NUP88: variants seen among roughly 807,000 people sequenced by gnomAD.
NUP88 encodes nuclear pore complex protein Nup88.
NUP88 carries 57 observed loss-of-function variants against 93.9 expected under a neutral mutation model. The observed-to-expected ratio is 0.61, with a 90% confidence interval of 0.49 to 0.76. NUP88 has a LOEUF of 0.76. Ranked by LOEUF, NUP88 falls within the 30% of genes least tolerant of loss-of-function variation. The pLI is 0.00. For missense variants in NUP88, 911 were observed against 901.0 expected (o/e 1.01, Z -0.14); for synonymous variants, 346 against 336.8 (o/e 1.03, Z -0.30).
intron 3 of NUP88, among the ~76,000 whole-genome samples, chr17:5,411,584 A>T (rs1913846086): frequency 6.6e-6 from 1 of 151,534 alleles, no homozygotes; most frequent in African/African-American, 2.4e-5. Context: ...CCATTTCAAA[A>T]AAAAAAAAAA....
intron 11 of NUP88, 125 bp from the exon 12 acceptor site, chr17:5,388,029 C>G (rs1912151296): frequency 3.0e-6 from 3 of 986,392 alleles, no homozygotes; most frequent in Non-Finnish European, 4.3e-6. Flanking sequence ...GAGATGCAGT[C>G]TCGCTCTGTC....
intron 9 of NUP88, among the ~76,000 whole-genome samples, chr17:5,392,541 T>C (rs938499607): frequency 6.6e-6 from 1 of 151,186 alleles, no homozygotes; most frequent in Middle Eastern, 3.4e-3. Context: ...ATTATCAGTG[T>C]GAAATCTACA....
At position 5,402,269 on chromosome 17, in the gene NUP88, T is replaced by C. The variant is rs374902902; in HGVS notation, c.1192+1830A>G. 3.6e-4 allele frequency among the ~76,000 whole-genome samples: 55 copies of C among 151,730 alleles called. 1 individual carries two copies. The South Asian group carries it at 0.011, about 30-fold the overall frequency. On this transcript the variant is annotated intron_variant, in intron 7 of 16. Coordinates refer to ENST00000573584, the MANE Select transcript of NUP88 (RefSeq NM_002532.6). The stretch of plus-strand genomic sequence containing the variant: ...TTGAAGTGAGCCAAGATCGTGCCAT[T>C]GCACTCCAGCTTGGGCAACAGGAGC...
Position 5,385,173 on chromosome 17 carries a change from T to A in NUP88, c.*1033A>T. The A allele has an allele frequency of 4.3e-6, 1 of 229,952 alleles. No individual in the cohort carries two copies. Among genetic ancestry groups the A allele is most frequent in the Non-Finnish European group, 8.6e-6 (1 of 116,032 alleles). The allele number at this position is 229,952 out of a possible 1,614,324, so 14.2% of individuals were successfully genotyped here. A position where few individuals can be genotyped will look rare whatever the true frequency, so the allele number is the denominator to read the frequency against. Reference sequence around the variant, plus strand: ...GTAGAAAAACCCAAACTGAGACTCTTAAGTTTTGTTTAGCAATGTGTTTCT... The same window carrying A: ...GTAGAAAAACCCAAACTGAGACTCTAAAGTTTTGTTTAGCAATGTGTTTCT... On this transcript the variant is annotated 3_prime_UTR_variant, in exon 17 of 17. Coordinates refer to ENST00000573584, the MANE Select transcript of NUP88 (RefSeq NM_002532.6).
intron 1 of NUP88, among the ~76,000 whole-genome samples, chr17:5,419,044 C>A (rs532714446): frequency 1.3e-5 from 2 of 152,242 alleles, no homozygotes; most frequent in Non-Finnish European, 2.9e-5. Context: ...AAACAGGTTT[C>A]TCTCGACGAA....
At chr17:5,391,929 G>GATTT (rs1912462262) in intron 9 of NUP88, among the ~76,000 whole-genome samples, 2 of 151,836 alleles carry the variant, frequency 1.3e-5, no homozygotes, top group South Asian at 4.1e-4. Context: ...TTACACTGAA[G>GATTT]ATCTCTCCAA....
At chr17:5,395,669 C>T (rs957753328) in intron 8 of NUP88, among the ~76,000 whole-genome samples, 6 of 151,946 alleles carry the variant, frequency 3.9e-5, no homozygotes, top group South Asian at 2.1e-4. Flanking sequence ...GCTGGGACTA[C>T]AGGTGGACGC....
rs1380862661 is a variant in NUP88 at position 5,408,798 on chromosome 17, T to C, written c.792A>G (p.Ala264=). The C allele has an allele frequency of 1.9e-6, 3 of 1,613,832 alleles. No individual in the cohort carries two copies. The highest frequency in any genetic ancestry group is 2.7e-5 in the African/African-American group (2 of 74,944). The change falls in exon 5 of 17, where the codon GCA becomes GCG. Residue 264 remains alanine (A), a synonymous_variant. Transcript: ENST00000573584. ...FGQNGKDEVV[A]YPLYILYENG... is the part of the protein sequence containing the mutation. ...TTTCATATAAGATGTACAGTGGGTA[T>C]GCCACTACTTCATCTTTGCCGTTTT...
intron 7 of NUP88, among the ~76,000 whole-genome samples, chr17:5,400,192 CTA>C (rs1913065316): frequency 7.0e-6 from 1 of 142,874 alleles, no homozygotes; most frequent in Non-Finnish European, 1.5e-5. Flanking sequence ...GGAGGTATGC[CTA>C]TGTTTTAAAA....
intron 9 of NUP88, 24 bp downstream of exon 9, chr17:5,394,867 A>G: frequency 6.7e-7 from 1 of 1,488,218 alleles, no homozygotes; most frequent in Non-Finnish European, 9.4e-7. Flanking sequence ...GTTTTCTGAT[A>G]TACAAGGGAG....
intron 5 of NUP88, among the ~76,000 whole-genome samples, chr17:5,407,808 T>C (rs757838195): frequency 3.3e-5 from 5 of 152,218 alleles, no homozygotes; most frequent in African/African-American, 9.6e-5. Flanking sequence ...TTATCCTTCC[T>C]TTGTTGTTAT....
At chr17:5,400,606 T>C (rs1233370776) in intron 7 of NUP88, among the ~76,000 whole-genome samples, 1 of 152,190 alleles carries the variant, frequency 6.6e-6, no homozygotes, top group Non-Finnish European at 1.5e-5. Flanking sequence ...TTTATGCTTT[T>C]CTCTGTGCAT....
At chr17:5,398,621 C>T (rs1912939018) in intron 8 of NUP88, among the ~76,000 whole-genome samples, 1 of 143,838 alleles carries the variant, frequency 7.0e-6, no homozygotes, top group Non-Finnish European at 1.5e-5. Context: ...GACAGAGTCT[C>T]GCTCTGTCGC....
chr17:5,409,296 C>T (rs1018526550), intron 4 of NUP88, among the ~76,000 whole-genome samples: 1 of 150,854 alleles, frequency 6.6e-6, no homozygotes, highest in African/African-American at 2.4e-5. Context: ...ATTGCTTGAA[C>T]CTGGGAGGCG....
Position 5,404,265 on chromosome 17 carries a change from TA to T in NUP88, c.1045-20del. ...TTTCTGACTGTAAAAAAAAGTGTTG[TA>T]ATTTTGATCTTGCATGTTAATTTGA... On this transcript the variant is annotated intron_variant, in intron 6 of 16. Coordinates refer to ENST00000573584, the MANE Select transcript of NUP88 (RefSeq NM_002532.6). The T allele has an allele frequency of 6.2e-7, 1 of 1,610,132 alleles. No homozygotes were observed.
intron 7 of NUP88, among the ~76,000 whole-genome samples, chr17:5,403,478 A>G (rs1913290514): frequency 6.6e-6 from 1 of 152,256 alleles, no homozygotes; most frequent in Admixed American, 6.5e-5. Context: ...CTCCATCTCA[A>G]AATAAATGAA....
chr17:5,414,201 T>C (rs1482196847), intron 2 of NUP88, 67 bp from the exon 3 acceptor site: 9 of 1,469,024 alleles, frequency 6.1e-6, no homozygotes, highest in African/African-American at 1.4e-5. Flanking sequence ...CTAAAGGAAC[T>C]TCTTTTTTTT....
chr17:5,387,471 T>C lies in NUP88; in HGVS notation c.1836-5A>G, dbSNP rs1444935611. 1.2e-6 allele frequency: 2 copies of C among 1,613,916 alleles called. No individual in the cohort carries two copies. The highest frequency in any genetic ancestry group is 1.7e-6 in the Non-Finnish European group (2 of 1,179,890). On this transcript the variant is annotated splice_polypyrimidine_tract_variant and splice_region_variant and intron_variant, in intron 13 of 16. Coordinates refer to ENST00000573584, the MANE Select transcript of NUP88 (RefSeq NM_002532.6). Reference sequence around the variant, plus strand: ...GCCATTTCCCGCAGACTTTTCCTAATGATGTAAGACACAAGAGACTCTTGA... The same window carrying C: ...GCCATTTCCCGCAGACTTTTCCTAACGATGTAAGACACAAGAGACTCTTGA...
chr17:5,413,923 C>T, intron 3 of NUP88, 86 bp downstream of exon 3: 1 of 1,434,892 alleles, frequency 7.0e-7, no homozygotes, highest in African/African-American at 1.4e-5. Context: ...CAATGACTCA[C>T]TTCGTTCTAT....
Sources: gnomAD v4.1 joint callset for allele counts (sites outside exome capture counted in the v4.1 genomes callset) on GRCh38, gnomAD v4.1.1 for gene constraint, MANE v1.5 for transcripts, NCBI Gene and HGNC (gene_info 2026-07-23, HGNC 2026-07-21) for gene names.